The following NFX1 variants were observed in gnomAD, a reference collection of about 807,000 sequenced individuals.
NFX1 encodes the protein transcriptional repressor NF-X1.
A neutral mutation model predicts 137.2 loss-of-function variants in NFX1; 69 were observed. The observed-to-expected ratio is 0.50, with a 90% confidence interval of 0.41 to 0.61. The LOEUF (loss-of-function observed/expected upper bound fraction) is 0.61. NFX1 is among the 20% of genes least tolerant of loss of function. NFX1 has a pLI of 0.00. For missense variants in NFX1, 1,167 were observed against 1,391.0 expected (o/e 0.84, Z 2.56); for synonymous variants, 495 against 474.1 (o/e 1.04, Z -0.57).
chr9:33,317,419 C>CAAAAAAAAAAAAAAA (rs761378780), intron 7 of NFX1, among the ~76,000 whole-genome samples: 4 of 54,306 alleles, frequency 7.4e-5, no homozygotes, highest in Admixed American at 2.1e-4. Flanking sequence ...GCCCTGTCTC[C>CAAAAAAAAAAAAAAA]AAAAAAAAAA....
chr9:33,352,481 A>G, intron 16 of NFX1, 165 bp from the exon 17 acceptor site: 1 of 705,234 alleles, frequency 1.4e-6, no homozygotes, highest in Non-Finnish European at 2.6e-6. Context: ...CATGTCAACA[A>G]CTGTGTCAGT....
intron 19 of NFX1, among the ~76,000 whole-genome samples, chr9:33,358,216 C>A (rs917446232): frequency 6.7e-6 from 1 of 149,620 alleles, no homozygotes; most frequent in Non-Finnish European, 1.5e-5. Context: ...GCTCCACCTC[C>A]CGGGTTCACG....
chr9:33,321,000 A>G (rs1822363508), intron 9 of NFX1, among the ~76,000 whole-genome samples: 1 of 152,194 alleles, frequency 6.6e-6, no homozygotes, highest in South Asian at 2.1e-4. Flanking sequence ...AAAGCCAGTC[A>G]TCTGTTGGTT....
At chr9:33,362,787 T>C (rs1204888580) in intron 19 of NFX1, among the ~76,000 whole-genome samples, 1 of 141,050 alleles carries the variant, frequency 7.1e-6, no homozygotes. Context: ...CACTGCAAGC[T>C]CTGCCTCCCG....
intron 5 of NFX1, among the ~76,000 whole-genome samples, chr9:33,308,473 G>C (rs1040762569): frequency 1.3e-5 from 2 of 152,096 alleles, no homozygotes; most frequent in Non-Finnish European, 2.9e-5. Context: ...TAAGTAGACT[G>C]TATGCAGTCA....
Position 33,294,907 on chromosome 9 carries a change from A to C in NFX1, c.513A>C (p.Ala171=). The C allele has an allele frequency of 6.2e-7, 1 of 1,614,180 alleles. No homozygotes were observed. The highest frequency in any genetic ancestry group is 1.7e-5 in the Admixed American group (1 of 60,014). ...CCAGGGGAGCAAAACCCAAAAAAGC[A>C]ACACAGTTTGTATACAGCTATGGTA... ...ADPRGAKPKK[A]TQFVYSYGRG... is the part of the protein sequence containing the mutation. The change falls in exon 2 of 24, where the codon GCA becomes GCC. Residue 171 remains alanine (A), a synonymous_variant. Coordinates refer to ENST00000379540, the MANE Select transcript of NFX1 (RefSeq NM_002504.6).
At chr9:33,355,955 T>G (rs1476966430) in intron 19 of NFX1, among the ~76,000 whole-genome samples, 2 of 152,174 alleles carry the variant, frequency 1.3e-5, no homozygotes, top group East Asian at 3.9e-4. Context: ...CAGAACATTC[T>G]TAAACTTGCT....
In NFX1 at chr9:33,317,701, C is replaced by T. The variant is rs192668811; in HGVS notation, c.1589-1030C>T. On this transcript the variant is annotated intron_variant, in intron 7 of 23. Transcript: ENST00000379540. ...ATCTAGAGTCTTAATTATGGCCGGG[C>T]GTGGTGGCTCACGCCTGTAGTCCCA... is the stretch of plus-strand genomic sequence containing the variant. Among the ~76,000 whole-genome samples the T allele has an allele frequency of 2.1e-4, 31 of 151,086 alleles. No individual in the cohort carries two copies. The East Asian group carries it at 5.8e-3, about 28-fold the overall frequency.
At position 33,332,488 on chromosome 9, in the gene NFX1, G is replaced by A; in HGVS notation, c.2021G>A (p.Ser674Asn). The part of the protein sequence containing the change: ...SFRTKELPCT[S>N]LKSEDATFMC... ...TTTCCATAGGAGCTTCCATGTACCA[G>A]TCTCAAAAGTGAAGGTATGACTGGG... is the stretch of plus-strand genomic sequence containing the variant. The change falls in exon 11 of 24, where the codon AGT (serine) becomes AAT (asparagine). Residue 674 changes from serine to asparagine, a missense_variant. Ser to Asn is a conservative substitution (Grantham distance 46, BLOSUM62 1). Around this residue, in one of 3 missense-constraint regions of NFX1, gnomAD observed 488 missense variants for 691.5 expected, o/e 0.71. Coordinates refer to ENST00000379540, the MANE Select transcript of NFX1 (RefSeq NM_002504.6). The A allele has an allele frequency of 1.3e-6, 2 of 1,586,208 alleles. No individual in the cohort carries two copies. The highest frequency in any genetic ancestry group is 1.1e-5 in the South Asian group (1 of 88,360).
intron 2 of NFX1, among the ~76,000 whole-genome samples, chr9:33,298,783 CA>C (rs113745700): frequency 0.022 from 3,275 of 145,568 alleles, 134 homozygotes; most frequent in African/African-American, 0.077. Flanking sequence ...GAACCTGTCT[CA>C]AAAAAAAAAA....
At position 33,367,636 on chromosome 9, in the gene NFX1, G is replaced by C; in HGVS notation, c.3290+17G>C. 1 of 1,610,748 alleles carries C rather than the reference G, an allele frequency of 6.2e-7. No homozygotes were observed. The highest frequency in any genetic ancestry group is 8.5e-7 in the Non-Finnish European group (1 of 1,177,372). On this transcript the variant is annotated intron_variant, in intron 23 of 23. Transcript: ENST00000379540. ...GTCAGACAAGTAAGATTCTCCAGCT[G>C]CTTTCCAAGGGGACCTGTCTGTCCA...
chr9:33,364,240 A>G, intron 20 of NFX1, 132 bp downstream of exon 20: 1 of 577,624 alleles, frequency 1.7e-6, no homozygotes. Context: ...ATTGTAAGAG[A>G]TTATGTGCTG....
chr9:33,359,282 T>G (rs1229467640), intron 19 of NFX1, among the ~76,000 whole-genome samples: 2 of 152,080 alleles, frequency 1.3e-5, no homozygotes, highest in Non-Finnish European at 2.9e-5. Flanking sequence ...TTCAGTATAT[T>G]GTTGAATGGA....
At chr9:33,333,062 T>C (rs957641475) in intron 11 of NFX1, among the ~76,000 whole-genome samples, 1 of 152,180 alleles carries the variant, frequency 6.6e-6, no homozygotes, top group East Asian at 1.9e-4. Context: ...GCCAGGCTGG[T>C]CTCTAACTCC....
chr9:33,301,208 G>T, intron 2 of NFX1, 55 bp from the exon 3 acceptor site: 1 of 1,499,280 alleles, frequency 6.7e-7, no homozygotes. Flanking sequence ...ATTAAAGTGA[G>T]GAATGGTTTT....
In NFX1 at chr9:33,311,092, C is replaced by A; in HGVS notation, c.1377-14C>A. The A allele has an allele frequency of 6.2e-7, 1 of 1,613,902 alleles. No individual in the cohort carries two copies. The highest frequency in any genetic ancestry group is 1.3e-5 in the African/African-American group (1 of 75,060). The stretch of plus-strand genomic sequence containing the variant: ...CATGGCTGTGGTTTATTCAGTGAAA[C>A]CTTTCTCTTTCAGTCTCTGCCATCC... On this transcript the variant is annotated splice_polypyrimidine_tract_variant and intron_variant, in intron 5 of 23. Coordinates refer to ENST00000379540, the MANE Select transcript of NFX1 (RefSeq NM_002504.6).
At position 33,338,607 on chromosome 9, in the gene NFX1, G is replaced by A. The variant is rs200393697; in HGVS notation, c.2115+18G>A. On this transcript the variant is annotated intron_variant, in intron 12 of 23. Coordinates refer to ENST00000379540, the MANE Select transcript of NFX1 (RefSeq NM_002504.6). The stretch of plus-strand genomic sequence containing the variant: ...GCTGTGTGGTAAGTGGACTTATTAG[G>A]CATAATCAGATTCCATTCATCCAGG... 1 of 1,566,880 alleles carries A rather than the reference G, an allele frequency of 6.4e-7. No homozygotes were observed. Among genetic ancestry groups the A allele is most frequent in the Non-Finnish European group, 8.6e-7 (1 of 1,159,402 alleles).
rs12551952 is a variant in NFX1 at position 33,331,948 on chromosome 9, G to A, written c.2005-524G>A. The stretch of plus-strand genomic sequence containing the variant: ...CCTTTTAGACCACTCACATGTAGTG[G>A]AAACCAAACTTTAGAGGCCAAACCA... On this transcript the variant is annotated intron_variant, in intron 10 of 23. Transcript: ENST00000379540. Among the ~76,000 whole-genome samples, 736 of 152,192 alleles carry A rather than the reference G, an allele frequency of 4.8e-3. 12 individuals are homozygous for A. The highest frequency in any genetic ancestry group is 0.012 in the South Asian group (56 of 4,828).
chr9:33,307,799 T>C (rs1337884633), intron 5 of NFX1, among the ~76,000 whole-genome samples: 47 of 142,496 alleles, frequency 3.3e-4, no homozygotes, highest in South Asian at 4.5e-4. Context: ...TCTTTCTTTT[T>C]TTTTTTTTTT....
Sources: gnomAD v4.1 joint callset for allele counts (sites outside exome capture counted in the v4.1 genomes callset) on GRCh38, gnomAD v4.1.1 for gene constraint, gnomAD v4.1.1 regional missense constraint, MANE v1.5 for transcripts, NCBI Gene and HGNC (gene_info 2026-07-23, HGNC 2026-07-21) for gene names.